KNL1: variants seen among roughly 807,000 people sequenced by gnomAD.
KNL1 encodes the protein outer kinetochore KNL1 complex subunit KNL1.
KNL1 carries 66 observed loss-of-function variants against 201.3 expected under a neutral mutation model. The ratio of observed to expected loss-of-function variants is 0.33; its 90% CI spans 0.27 to 0.40. KNL1 has a LOEUF of 0.40. Among genes scored for constraint, KNL1 ranks in the 10% least tolerant of loss-of-function variants. The pLI, the probability that KNL1 is intolerant of heterozygous loss-of-function variation, is 1.00. For missense variants in KNL1, 2,815 were observed against 2,690.5 expected, an observed-to-expected ratio of 1.05 and a Z score of -1.02; for synonymous variants, 895 against 899.2, an observed-to-expected ratio of 1.00 and a Z score of 0.08.
At chr15:40,636,179 T>TCTCAGGTG (rs1348482324) in intron 13 of KNL1, among the ~76,000 whole-genome samples, 1 of 152,214 alleles carries the variant, frequency 6.6e-6, no homozygotes, top group African/African-American at 2.4e-5. Flanking sequence ...GGCTTGAAGT[T>TCTCAGGTG]CTCAGGTGCT....
At chr15:40,602,793 C>G in intron 1 of KNL1, 122 bp from the exon 2 acceptor site, 4 of 559,984 alleles carry the variant, frequency 7.1e-6, no homozygotes, top group Non-Finnish European at 1.2e-5. Context: ...CCTTTCCTTC[C>G]CATCTTTGGT....
intron 13 of KNL1, among the ~76,000 whole-genome samples, chr15:40,630,039 A>G (rs1892869706): frequency 6.6e-6 from 1 of 152,196 alleles, no homozygotes; most frequent in South Asian, 2.1e-4. Context: ...AATCAAAAAT[A>G]TGTAAACTGG....
chr15:40,635,096 T>G (rs536682534), intron 13 of KNL1, among the ~76,000 whole-genome samples: 2 of 151,694 alleles, frequency 1.3e-5, no homozygotes, highest in South Asian at 4.2e-4. Flanking sequence ...TCATCCAGGC[T>G]GGAGTGCAGT....
chr15:40,614,802 A>G (rs1567003844), intron 7 of KNL1, among the ~76,000 whole-genome samples: 1 of 152,100 alleles, frequency 6.6e-6, no homozygotes, highest in Non-Finnish European at 1.5e-5. Context: ...GGTTTCTTTC[A>G]TGTACTTTTT....
intron 1 of KNL1, 140 bp downstream of exon 1, chr15:40,594,532 C>A (rs1891562663): frequency 6.6e-6 from 1 of 152,360 alleles, no homozygotes; most frequent in Non-Finnish European, 1.5e-5. Flanking sequence ...GAGTAGACGC[C>A]CCTGCCCCGG....
chr15:40,644,168 G>A (rs1455928246), intron 14 of KNL1, among the ~76,000 whole-genome samples: 2 of 152,224 alleles, frequency 1.3e-5, no homozygotes, highest in Non-Finnish European at 2.9e-5. Flanking sequence ...AAGAAGGAAT[G>A]TAGTAGGAGA....
chr15:40,625,724 A>T lies in KNL1; in HGVS notation c.5376+84A>T, dbSNP rs540875078. On this transcript the variant is annotated intron_variant, in intron 10 of 25. Coordinates refer to ENST00000399668, the MANE Select transcript of KNL1 (RefSeq NM_144508.5). ...TAAATTGTGGGTATTCTCAAATTTT[A>T]ATCTTAGTCTCGGGTAGGCAGAAAA... The T allele has an allele frequency of 5.7e-6, 6 of 1,047,338 alleles. No homozygotes were observed. In the African/African-American group the frequency reaches 9.7e-5, roughly 17 times the overall value. The allele number at this position is 1,047,338 out of a possible 1,614,324, so 64.9% of individuals were successfully genotyped here.
intron 20 of KNL1, 91 bp downstream of exon 20, chr15:40,651,663 G>A (rs537679088): frequency 2.3e-6 from 2 of 881,668 alleles, no homozygotes; most frequent in Admixed American, 2.8e-5. Context: ...TTTTTAATGT[G>A]TTGCTGTTTT....
At chr15:40,636,300 A>G (rs892869175) in intron 13 of KNL1, among the ~76,000 whole-genome samples, 21 of 152,214 alleles carry the variant, frequency 1.4e-4, no homozygotes, top group African/African-American at 4.6e-4. Context: ...CACTGCATAC[A>G]GCATAGGCAA....
At position 40,621,008 on chromosome 15, in the gene KNL1, G is replaced by A. The variant is rs565734208; in HGVS notation, c.744G>A (p.Pro248=). 2.0e-5 allele frequency: 32 copies of A among 1,605,850 alleles called. No homozygotes were observed. Among genetic ancestry groups the A allele is most frequent in the Admixed American group, 5.2e-5 (3 of 57,670 alleles). ...NFEIPIYSKE[P]NSASSTHQMH... ...AGATACCTATTTATTCCAAGGAACC[G>A]AACAGTGCCTCTTCTACACATCAAA... The change falls in exon 10 of 26, where the codon CCG becomes CCA. Residue 248 remains proline (P), a synonymous_variant. Transcript: ENST00000399668.
At chr15:40,608,978 G>T in intron 5 of KNL1, 70 bp downstream of exon 5, 1 of 964,342 alleles carries the variant, frequency 1.0e-6, no homozygotes. Flanking sequence ...CAAATGTATT[G>T]GTACTGACTT....
At chr15:40,639,305 G>A (rs909936036) in intron 13 of KNL1, among the ~76,000 whole-genome samples, 6 of 150,204 alleles carry the variant, frequency 4.0e-5, no homozygotes, top group African/African-American at 1.2e-4. Flanking sequence ...AAAAATTTTG[G>A]CCGGGCACGA....
intron 21 of KNL1, 49 bp from the exon 22 acceptor site, chr15:40,654,860 C>T (rs1893673032): frequency 1.4e-6 from 2 of 1,401,112 alleles, no homozygotes; most frequent in Non-Finnish European, 2.0e-6. Flanking sequence ...CAAAGTGAGA[C>T]TCTCTGTCTA....
At position 40,620,671 on chromosome 15, in the gene KNL1, A is replaced by G; in HGVS notation, c.407A>G (p.Lys136Arg). 5 of 1,592,420 alleles carry G rather than the reference A, an allele frequency of 3.1e-6. No individual in the cohort carries two copies. The highest frequency in any genetic ancestry group is 4.3e-6 in the Non-Finnish European group (5 of 1,173,092). ...ATTATAGAACATACCCGTGAAAGGA[A>G]ACATGCAAATGACCAGACAGTCATT... ...FSIIEHTRER[K>R]HANDQTVIFS... Residue 136 changes from lysine (K) to arginine (R), a missense_variant, in exon 10 of 26, where the codon AAA becomes AGA. Around this residue, in one of 3 missense-constraint regions of KNL1, gnomAD observed 2,464 missense variants for 2,291.7 expected, o/e 1.08. Coordinates refer to ENST00000399668, the MANE Select transcript of KNL1 (RefSeq NM_144508.5).
chr15:40,601,381 G>A (rs957484167), intron 1 of KNL1, among the ~76,000 whole-genome samples: 2 of 152,134 alleles, frequency 1.3e-5, no homozygotes, highest in African/African-American at 4.8e-5. Context: ...TGTCCACTTT[G>A]GGAGTGGATT....
At chr15:40,658,284 C>CT (rs1893792782) in intron 24 of KNL1, among the ~76,000 whole-genome samples, 1 of 151,642 alleles carries the variant, frequency 6.6e-6, no homozygotes. Flanking sequence ...AATCCCAGCA[C>CT]TTTGGGAGGC....
intron 1 of KNL1, among the ~76,000 whole-genome samples, chr15:40,600,076 T>C (rs1267906535): frequency 1.1e-4 from 1 of 9,116 alleles, no homozygotes; most frequent in African/African-American, 4.2e-4. Context: ...TTGGGATTCC[T>C]TTTTTTTTTT....
chr15:40,606,056 GGGTCAAGTCCTCATTCCTGA>G (rs1289549247), intron 3 of KNL1, among the ~76,000 whole-genome samples: 14 of 152,168 alleles, frequency 9.2e-5, no homozygotes, highest in African/African-American at 3.4e-4. Flanking sequence ...ATCCTGATAT[GGGTCAAGTCCTCATTCCTGA>G]ACAAATCATC....
intron 13 of KNL1, among the ~76,000 whole-genome samples, chr15:40,634,198 C>T (rs1892992589): frequency 6.6e-6 from 1 of 152,152 alleles, no homozygotes; most frequent in Non-Finnish European, 1.5e-5. Context: ...CCTCCGACTC[C>T]CAGGTTCAAG....
Sources: gnomAD v4.1 joint callset for allele counts (sites outside exome capture counted in the v4.1 genomes callset) on GRCh38, gnomAD v4.1.1 for gene constraint, gnomAD v4.1.1 regional missense constraint, MANE v1.5 for transcripts, NCBI Gene and HGNC (gene_info 2026-07-23, HGNC 2026-07-21) for gene names.